TRAPPC9: variants seen among roughly 807,000 people sequenced by gnomAD.
The protein encoded by TRAPPC9 is IKK2 binding protein.
A neutral mutation model predicts 124.0 loss-of-function variants in TRAPPC9; 83 were observed. The ratio of observed to expected loss-of-function variants is 0.67; its 90% CI spans 0.56 to 0.80. The LOEUF (loss-of-function observed/expected upper bound fraction) is 0.80, where lower values mean the gene tolerates loss of function less well. Ranked by LOEUF, TRAPPC9 falls within the 30% of genes least tolerant of loss-of-function variation. TRAPPC9 has a pLI of 0.00. For synonymous variants in TRAPPC9, 638 were observed against 617.5 expected (o/e 1.03, Z -0.49); for missense variants, 1,302 against 1,508.3 (o/e 0.86, Z 2.27).
intron 21 of TRAPPC9, among the ~76,000 whole-genome samples, chr8:139,754,780 C>A (rs1434096550): frequency 6.6e-6 from 1 of 152,246 alleles, no homozygotes; most frequent in Admixed American, 6.5e-5. Context: ...GCACATCTTC[C>A]TCCCCTGGCT....
rs1382759924 is a variant in TRAPPC9, at chr8:140,111,053, C to T, written c.2557-86974G>A. ...TCCAAAGTCCCCAGCTGCTGATAGCCCCAGGCTGCTTCCCATGCCTCCTGG... is the reference window on the plus strand; with the variant it reads ...TCCAAAGTCCCCAGCTGCTGATAGCTCCAGGCTGCTTCCCATGCCTCCTGG... On this transcript the variant is annotated intron_variant, in intron 17 of 22. Coordinates refer to ENST00000438773, the MANE Select transcript of TRAPPC9 (RefSeq NM_001160372.4). Among the ~76,000 whole-genome samples the T allele has an allele frequency of 2.7e-5, 4 of 147,992 alleles. No individual in the cohort carries two copies. The South Asian group carries it at 8.9e-4, about 33-fold the overall frequency.
chr8:140,173,249 C>T (rs55861419), intron 17 of TRAPPC9, among the ~76,000 whole-genome samples: 57,476 of 152,036 alleles, frequency 0.38, 10,954 homozygotes, highest in East Asian at 0.52. Context: ...AAACTAGAAC[C>T]CTTGGATTAA....
chr8:139,751,761 A>G (rs1819323184), intron 21 of TRAPPC9, among the ~76,000 whole-genome samples: 1 of 148,164 alleles, frequency 6.7e-6, no homozygotes, highest in Non-Finnish European at 1.5e-5. Context: ...ATCCTCCAGC[A>G]GACAAGAGAT....
chr8:140,170,648 G>A (rs886495667), intron 17 of TRAPPC9, among the ~76,000 whole-genome samples: 4 of 152,228 alleles, frequency 2.6e-5, no homozygotes. Context: ...GGAAACTGAT[G>A]AGGATCAGAA....
chr8:140,097,878 A>G lies in TRAPPC9; in HGVS notation c.2557-73799T>C, dbSNP rs3802217. On this transcript the variant is annotated intron_variant, in intron 17 of 22. Transcript: ENST00000438773. This position sits in a 1 kb window ranked among gnomAD's most constrained non-coding sequence, Gnocchi z 4.2. ...ACGTGCCGCAGTCCTACCGGGAAAG[A>G]TGCCAGCTCATGTCCTCAATGAGCA... The G allele has an allele frequency of 0.7, 106,412 of 152,180 alleles. 37,626 individuals are homozygous for G. The highest frequency in any genetic ancestry group is 0.87 in the East Asian group (4,509 of 5,158). 9.4% of individuals were successfully genotyped at this position (152,180 alleles called of 1,614,324 possible).
chr8:140,171,637 A>G (rs1269161117), intron 17 of TRAPPC9, among the ~76,000 whole-genome samples: 5 of 152,170 alleles, frequency 3.3e-5, no homozygotes, highest in Non-Finnish European at 7.3e-5. Flanking sequence ...TCTGCCATGC[A>G]GCTTCTTCCA....
chr8:140,443,131 C>CAAAA (rs1177286944), intron 2 of TRAPPC9, among the ~76,000 whole-genome samples: 19,161 of 43,236 alleles, frequency 0.44, 6,151 homozygotes, highest in Middle Eastern at 0.64. Flanking sequence ...GACTCCATCT[C>CAAAA]AAAAAAAAAA....
At chr8:140,171,655 GC>G (rs943093511) in intron 17 of TRAPPC9, among the ~76,000 whole-genome samples, 4 of 152,184 alleles carry the variant, frequency 2.6e-5, no homozygotes, top group African/African-American at 4.8e-5. Flanking sequence ...CCACTCTCGA[GC>G]CCCCAGCACC....
intron 17 of TRAPPC9, chr8:140,100,391 A>G (rs1260044780): frequency 6.6e-6 from 1 of 152,294 alleles, no homozygotes; most frequent in Non-Finnish European, 1.5e-5. Context: ...GAGTGCCTCA[A>G]TTCACAGGGT....
At chr8:139,809,550 A>G (rs1274472593) in intron 21 of TRAPPC9, among the ~76,000 whole-genome samples, 1 of 152,202 alleles carries the variant, frequency 6.6e-6, no homozygotes, top group Non-Finnish European at 1.5e-5. Context: ...TCTCTGTCCC[A>G]CAGCAGGGCC....
intron 21 of TRAPPC9, among the ~76,000 whole-genome samples, chr8:139,749,513 A>G (rs904463859): frequency 2.0e-5 from 3 of 152,042 alleles, no homozygotes; most frequent in South Asian, 2.1e-4. Context: ...ACTTCTTCCT[A>G]CCATGAAAAG....
intron 17 of TRAPPC9, among the ~76,000 whole-genome samples, chr8:140,091,943 G>A (rs551271655): frequency 1.8e-4 from 27 of 151,684 alleles, no homozygotes; most frequent in Non-Finnish European, 7.4e-5. Context: ...ATCTCCCGCC[G>A]GCCCCACAGC....
intron 17 of TRAPPC9, among the ~76,000 whole-genome samples, chr8:140,035,671 A>G (rs779643743): frequency 9.9e-5 from 15 of 152,100 alleles, no homozygotes; most frequent in Non-Finnish European, 1.8e-4. Flanking sequence ...TAGCTAGTAA[A>G]CCACAGAGCT....
intron 17 of TRAPPC9, among the ~76,000 whole-genome samples, chr8:140,214,660 G>A (rs775031272): frequency 6.6e-6 from 1 of 152,176 alleles, no homozygotes; most frequent in East Asian, 1.9e-4. Context: ...AGAAAAGCTG[G>A]ACTGTCTTGC....
chr8:139,732,164 C>T lies in TRAPPC9; in HGVS notation c.3094G>A (p.Val1032Met), dbSNP rs769543412. Residue 1032 changes from valine to methionine, a missense_variant, in exon 22 of 23, where the codon GTG becomes ATG. Physicochemically the swap from Val to Met is conservative, Grantham distance 21 (BLOSUM62 1). Coordinates refer to ENST00000438773, the MANE Select transcript of TRAPPC9 (RefSeq NM_001160372.4). ...VDGQPCDREA[V>M]AACQVGDPVR... Reference sequence around the variant, plus strand: ...GGGTCGCCCACCTGGCAGGCCGCCACAGCCTCGCGGTCACATGGCTGTCCG... The same window carrying T: ...GGGTCGCCCACCTGGCAGGCCGCCATAGCCTCGCGGTCACATGGCTGTCCG... 6.9e-6 allele frequency: 11 copies of T among 1,601,042 alleles called. No homozygotes were observed. The highest frequency in any genetic ancestry group is 9.3e-6 in the Non-Finnish European group (11 of 1,176,822).
At position 140,258,301 on chromosome 8, in the gene TRAPPC9, C is replaced by T. The variant is rs578125763; in HGVS notation, c.2279-5372G>A. 2.6e-5 allele frequency among the ~76,000 whole-genome samples: 4 copies of T among 152,370 alleles called. No individual in the cohort carries two copies. In the East Asian group the frequency reaches 5.8e-4, roughly 22 times the overall value. On this transcript the variant is annotated intron_variant, in intron 15 of 22. Transcript: ENST00000438773. The stretch of plus-strand genomic sequence containing the variant: ...TCTGGACTTGTTCTCCGCGTTCACA[C>T]GCTCCCTGGCACAAGTAATGGATTT...
At chr8:139,951,678 T>C (rs1834654165) in intron 19 of TRAPPC9, among the ~76,000 whole-genome samples, 1 of 152,216 alleles carries the variant, frequency 6.6e-6, no homozygotes, top group African/African-American at 2.4e-5. Context: ...GCCTCTGTTC[T>C]TCTCATTATG....
At chr8:140,449,347 G>A (rs1347036116) in intron 2 of TRAPPC9, among the ~76,000 whole-genome samples, 1 of 152,182 alleles carries the variant, frequency 6.6e-6, no homozygotes, top group Non-Finnish European at 1.5e-5. Context: ...GCCAGTGACT[G>A]ACACAGTGAC....
chr8:139,927,650 T>C (rs943591475), intron 19 of TRAPPC9, among the ~76,000 whole-genome samples: 11 of 152,146 alleles, frequency 7.2e-5, no homozygotes, highest in Non-Finnish European at 1.5e-4. Context: ...CAGAGGTCTG[T>C]TGAGGAATGG....
Sources: gnomAD v4.1 joint callset for allele counts (sites outside exome capture counted in the v4.1 genomes callset) on GRCh38, gnomAD v4.1.1 for gene constraint, Gnocchi (gnomAD v3.1) non-coding constraint, MANE v1.5 for transcripts, NCBI Gene and HGNC (gene_info 2026-07-23, HGNC 2026-07-21) for gene names.